Variants in RYR2 observed in about 807,000 individuals in gnomAD.
The protein encoded by RYR2 is cardiac muscle ryanodine receptor-calcium release channel.
Under a neutral mutation model 601.1 loss-of-function variants are expected in RYR2, and 227 were observed. That is an observed-to-expected ratio of 0.38 (90% CI 0.34 to 0.42). The LOEUF (loss-of-function observed/expected upper bound fraction) is 0.42. Among genes scored for constraint, RYR2 ranks in the 10% least tolerant of loss-of-function variants. The pLI is 1.00. For synonymous variants in RYR2, 2,223 were observed against 2,175.1 expected (o/e 1.02, Z -0.61); for missense variants, 4,646 against 6,156.5 (o/e 0.75, Z 8.21).
At chr1:237,492,867 G>A (rs1663546992) in intron 18 of RYR2, 87 bp from the exon 19 acceptor site, 4 of 1,323,828 alleles carry the variant, frequency 3.0e-6, no homozygotes, top group Middle Eastern at 2.6e-4. Context: ...AAGGAAGGAA[G>A]GAAGAAGGGA....
intron 2 of RYR2, among the ~76,000 whole-genome samples, chr1:237,286,328 T>G (rs1344455448): frequency 1.3e-5 from 2 of 152,040 alleles, no homozygotes; most frequent in Non-Finnish European, 2.9e-5. Context: ...TTGCATGGTT[T>G]TGAAGGTTCC....
chr1:237,433,003 C>T (rs1478380066), intron 12 of RYR2, among the ~76,000 whole-genome samples: 2 of 145,554 alleles, frequency 1.4e-5, no homozygotes, highest in East Asian at 4.1e-4. Flanking sequence ...TTAAAACTAT[C>T]TGCTAATTAA....
intron 25 of RYR2, among the ~76,000 whole-genome samples, chr1:237,532,966 A>T (rs966209414): frequency 1.2e-4 from 19 of 152,226 alleles, no homozygotes; most frequent in African/African-American, 3.9e-4. Context: ...TCTAACTTTA[A>T]GATAGGTAGA....
chr1:237,104,296 G>A (rs546460003), intron 1 of RYR2, among the ~76,000 whole-genome samples: 1 of 152,258 alleles, frequency 6.6e-6, no homozygotes, highest in Non-Finnish European at 1.5e-5. Context: ...GGCTCCAGCT[G>A]TCCCTTTCAT....
intron 1 of RYR2, among the ~76,000 whole-genome samples, chr1:237,257,481 G>A (rs955161806): frequency 2.6e-5 from 4 of 152,162 alleles, no homozygotes; most frequent in Admixed American, 6.5e-5. Flanking sequence ...ATACACCTAG[G>A]AAGGAGGTAG....
rs550256884 is a variant in RYR2 at position 237,157,112 on chromosome 1, A to T, written c.49-113385A>T. Among the ~76,000 whole-genome samples the T allele has an allele frequency of 3.3e-5, 5 of 152,104 alleles. No individual in the cohort carries two copies. The East Asian group carries it at 9.7e-4, about 30-fold the overall frequency. On this transcript the variant is annotated intron_variant, in intron 1 of 104. Transcript: ENST00000366574. ...GGAGTTTGAGACCAGCCTGGCCAGC[A>T]TGGTGAAACCCCATCTCTACTGAAA... is the stretch of plus-strand genomic sequence containing the variant.
chr1:237,725,634 T>A (rs146330328), intron 74 of RYR2, among the ~76,000 whole-genome samples: 1 of 152,098 alleles, frequency 6.6e-6, no homozygotes, highest in African/African-American at 2.4e-5. Context: ...ACAAGGTACA[T>A]CTTTGTGTTC....
At chr1:237,399,670 G>T (rs1330114032) in intron 10 of RYR2, among the ~76,000 whole-genome samples, 1 of 152,122 alleles carries the variant, frequency 6.6e-6, no homozygotes, top group Non-Finnish European at 1.5e-5. Flanking sequence ...CCCTATCTCT[G>T]TGTCACTCCC....
At chr1:237,458,150 G>A (rs531921250) in intron 16 of RYR2, among the ~76,000 whole-genome samples, 13 of 152,200 alleles carry the variant, frequency 8.5e-5, no homozygotes, top group African/African-American at 2.4e-4. Context: ...CTTGATAACC[G>A]GGCACAGTGG....
intron 1 of RYR2, among the ~76,000 whole-genome samples, chr1:237,220,168 A>G (rs536575969): frequency 0.02 from 3,113 of 152,222 alleles, 98 homozygotes; most frequent in African/African-American, 0.069. Flanking sequence ...TTGACGTGAG[A>G]GTCAGAGGAC....
intron 24 of RYR2, among the ~76,000 whole-genome samples, chr1:237,523,667 G>T (rs1667304513): frequency 6.6e-6 from 1 of 151,936 alleles, no homozygotes; most frequent in African/African-American, 2.4e-5. Context: ...AACCTGGGAG[G>T]AAGTGGTTGC....
At chr1:237,240,680 A>C (rs896741309) in intron 1 of RYR2, among the ~76,000 whole-genome samples, 1 of 149,140 alleles carries the variant, frequency 6.7e-6, no homozygotes, top group Non-Finnish European at 1.5e-5. Flanking sequence ...AAAAAAAAAA[A>C]AAAAAAAAAC....
intron 100 of RYR2, among the ~76,000 whole-genome samples, chr1:237,812,930 A>G (rs1438473290): frequency 6.6e-6 from 1 of 151,884 alleles, no homozygotes; most frequent in Non-Finnish European, 1.5e-5. Flanking sequence ...CAACTGTAAG[A>G]AAACTGGATT....
chr1:237,345,798 G>A (rs1271399599), intron 3 of RYR2, among the ~76,000 whole-genome samples: 1 of 151,998 alleles, frequency 6.6e-6, no homozygotes, highest in Non-Finnish European at 1.5e-5. Flanking sequence ...CTGTATTTTA[G>A]AAATGTTTAA....
At chr1:237,606,346 G>T (rs1277965299) in intron 35 of RYR2, among the ~76,000 whole-genome samples, 2 of 152,104 alleles carry the variant, frequency 1.3e-5, no homozygotes, top group African/African-American at 4.8e-5. Flanking sequence ...AAATGGTGCT[G>T]GGAAAACTGG....
intron 1 of RYR2, among the ~76,000 whole-genome samples, chr1:237,207,537 G>A (rs1681955085): frequency 6.6e-6 from 1 of 152,348 alleles, no homozygotes; most frequent in Non-Finnish European, 1.5e-5. Flanking sequence ...TCACACTCCA[G>A]CCTGGGCGAC....
chr1:237,557,710 T>C (rs934299868), intron 27 of RYR2, among the ~76,000 whole-genome samples: 22 of 152,096 alleles, frequency 1.4e-4, no homozygotes, highest in Admixed American at 4.6e-4. Context: ...TTGGCAATAC[T>C]GTGAACAGAA....
chr1:237,319,653 T>C (rs139403109), intron 2 of RYR2, among the ~76,000 whole-genome samples: 1 of 152,300 alleles, frequency 6.6e-6, no homozygotes. Flanking sequence ...GGTACAGAGA[T>C]TGTGCTCAGA....
At chr1:237,118,971 C>T (rs1670455360) in intron 1 of RYR2, among the ~76,000 whole-genome samples, 1 of 151,982 alleles carries the variant, frequency 6.6e-6, no homozygotes, top group Non-Finnish European at 1.5e-5. Flanking sequence ...TGAAACCATT[C>T]TGACTGGGTG....
Sources: gnomAD v4.1 joint callset for allele counts (sites outside exome capture counted in the v4.1 genomes callset) on GRCh38, gnomAD v4.1.1 for gene constraint, MANE v1.5 for transcripts, NCBI Gene and HGNC (gene_info 2026-07-23, HGNC 2026-07-21) for gene names.